Variants in PCDHGB6 observed in about 807,000 individuals in gnomAD.
PCDHGB6 encodes the protein protocadherin gamma subfamily B, 6, also known as protocadherin gamma-B6.
PCDHGB6 carries 51 observed loss-of-function variants against 59.1 expected under a neutral mutation model. The observed-to-expected ratio is 0.86, with a 90% CI of 0.69 to 1.09. The LOEUF (loss-of-function observed/expected upper bound fraction) is 1.09. Ranked by LOEUF, PCDHGB6 falls within the 50% of genes least tolerant of loss-of-function variation. The pLI, the probability that PCDHGB6 is intolerant of heterozygous loss-of-function variation, is 0.00. For synonymous variants in PCDHGB6, 466 were observed against 495.1 expected (o/e 0.94, Z 0.78); for missense variants, 1,148 against 1,205.1 (o/e 0.95, Z 0.70).
Position 141,430,614 on chromosome 5 carries a change from T to C in PCDHGB6, c.2418+19994T>C, listed in dbSNP as rs1030314096. 7.3e-6 allele frequency: 5 copies of C among 680,636 alleles called. No individual in the cohort carries two copies. In the African/African-American group the frequency reaches 7.4e-5, roughly 10 times the overall value. 42.2% of individuals were successfully genotyped at this position (680,636 alleles called of 1,614,324 possible). ...GCACGCGCCTGAAGCACAAAGCAGA[T>C]AGCTAGGAATGAACCATCCCTGGGA... On this transcript the variant is annotated intron_variant, in intron 1 of 3. Transcript: ENST00000520790.
chr5:141,496,511 C>T (rs1161285563), intron 2 of PCDHGB6, among the ~76,000 whole-genome samples: 1 of 152,182 alleles, frequency 6.6e-6, no homozygotes, highest in Non-Finnish European at 1.5e-5. Flanking sequence ...CACAAGGACC[C>T]AGGAGCCCTT....
chr5:141,494,891 C>G, intron 2 of PCDHGB6, 26 bp downstream of exon 2: 1 of 1,614,098 alleles, frequency 6.2e-7, no homozygotes. Flanking sequence ...TCCAGCCCAC[C>G]CTCTTCTCTG....
intron 1 of PCDHGB6, chr5:141,422,637 C>T (rs980166515): frequency 8.7e-5 from 141 of 1,612,568 alleles, no homozygotes; most frequent in Non-Finnish European, 1.2e-4. Flanking sequence ...CCAGGGGTGC[C>T]TCCATCTTCT....
intron 1 of PCDHGB6, chr5:141,413,229 C>T (rs200934469): frequency 6.2e-7 from 1 of 1,613,914 alleles, no homozygotes; most frequent in African/African-American, 1.3e-5. Context: ...GCGGGCTGGT[C>T]CTGCTCTGCC....
chr5:141,487,323 G>A lies in PCDHGB6; in HGVS notation c.2419-7484G>A, dbSNP rs374901235. Reference sequence around the variant, plus strand: ...GTGGCACTACTCTCTAAGTGTCTTCGTGGGGCAGCCTGTGGAGTCACATGC... The same window carrying A: ...GTGGCACTACTCTCTAAGTGTCTTCATGGGGCAGCCTGTGGAGTCACATGC... On this transcript the variant is annotated intron_variant, in intron 1 of 3. Coordinates refer to ENST00000520790, the MANE Select transcript of PCDHGB6 (RefSeq NM_018926.3). The surrounding 1 kb of genome is among the most constrained non-coding windows in gnomAD (Gnocchi z 5.0). 4.0e-5 allele frequency: 65 copies of A among 1,613,982 alleles called. No homozygotes were observed. Among genetic ancestry groups the A allele is most frequent in the Non-Finnish European group, 4.7e-5 (56 of 1,180,012 alleles).
At chr5:141,426,539 T>C in intron 1 of PCDHGB6, 2 of 347,388 alleles carry the variant, frequency 5.8e-6, no homozygotes, top group South Asian at 4.4e-5. Flanking sequence ...GGGAACATAC[T>C]TGTGAGTGAC....
chr5:141,486,091 G>T lies in PCDHGB6; in HGVS notation c.2419-8716G>T. ...CTACTGGAAAGCTTACTCTTTTGGG[G>T]CCCCTAGACTTTGAGAGTGAGAATT... On this transcript the variant is annotated intron_variant, in intron 1 of 3. Coordinates refer to ENST00000520790, the MANE Select transcript of PCDHGB6 (RefSeq NM_018926.3). This position sits in a 1 kb window ranked among gnomAD's most constrained non-coding sequence, Gnocchi z 5.0. 1 of 1,614,158 alleles carries T rather than the reference G, an allele frequency of 6.2e-7. No homozygotes were observed. Among genetic ancestry groups the T allele is most frequent in the South Asian group, 1.1e-5 (1 of 91,078 alleles).
At chr5:141,450,829 A>ATT (rs373424450) in intron 1 of PCDHGB6, among the ~76,000 whole-genome samples, 8,685 of 135,030 alleles carry the variant, frequency 0.064, 328 homozygotes, top group South Asian at 0.088. Context: ...TATTATTATT[A>ATT]TTTTTTTTTT....
chr5:141,476,699 G>C lies in PCDHGB6; in HGVS notation c.2419-18108G>C. 1 of 1,614,222 alleles carries C rather than the reference G, an allele frequency of 6.2e-7. No individual in the cohort carries two copies. The highest frequency in any genetic ancestry group is 8.5e-7 in the Non-Finnish European group (1 of 1,180,042). ...GCGGGAGGACAGCACCAAGTACGCG[G>C]AGCTGGTGTTGGAGCGCGCCCTGGA... is the stretch of plus-strand genomic sequence containing the variant. On this transcript the variant is annotated intron_variant, in intron 1 of 3. Transcript: ENST00000520790. The surrounding 1 kb of genome is among the most constrained non-coding windows in gnomAD (Gnocchi z 7.6).
Position 141,409,866 on chromosome 5 carries a change from G to A in PCDHGB6, c.1664G>A (p.Arg555His), listed in dbSNP as rs1268327848. The A allele has an allele frequency of 3.7e-6, 6 of 1,612,258 alleles. No individual in the cohort carries two copies. Among genetic ancestry groups the A allele is most frequent in the East Asian group, 4.5e-5 (2 of 44,850 alleles). The change falls in exon 1 of 4, where the codon CGC becomes CAC. Residue 555 changes from arginine (R) to histidine (H), a missense_variant. Arg to His is a conservative substitution (Grantham distance 29, BLOSUM62 0). Transcript: ENST00000520790. The stretch of plus-strand genomic sequence containing the variant: ...AGCCTGCGCGTGTTGGTGGGAGACC[G>A]CAATGACAACGCACCGCGGGTGCTG... ...NVSLRVLVGDRNDNAPRVLYP... is the reference protein window; with the variant it reads ...NVSLRVLVGDHNDNAPRVLYP...
chr5:141,454,762 G>C (rs889314181), intron 1 of PCDHGB6, among the ~76,000 whole-genome samples: 4 of 115,056 alleles, frequency 3.5e-5, no homozygotes, highest in African/African-American at 6.6e-5. Context: ...ATCTTGACAT[G>C]TTTTTTACAA....
At chr5:141,464,995 G>A (rs1330469198) in intron 1 of PCDHGB6, among the ~76,000 whole-genome samples, 1 of 151,962 alleles carries the variant, frequency 6.6e-6, no homozygotes, top group East Asian at 1.9e-4. Context: ...TCCCACCTCA[G>A]CCTCCCAAAG....
At chr5:141,445,768 T>A (rs2098476928) in intron 1 of PCDHGB6, among the ~76,000 whole-genome samples, 1 of 152,074 alleles carries the variant, frequency 6.6e-6, no homozygotes, top group Admixed American at 6.6e-5. Context: ...CTCAAGCAAT[T>A]TAAAAGGGCT....
At chr5:141,420,216 T>C in intron 1 of PCDHGB6, 1 of 1,609,316 alleles carries the variant, frequency 6.2e-7, no homozygotes, top group African/African-American at 1.3e-5. Context: ...AAAGATAGCA[T>C]GCTACTGGCT....
chr5:141,485,314 T>G lies in PCDHGB6; in HGVS notation c.2419-9493T>G. Reference sequence around the variant, plus strand: ...CACAGGAAGGGACTTTTGTAGGGAATGTCGCTCAAGATTTCCTGCTGGATA... The same window carrying G: ...CACAGGAAGGGACTTTTGTAGGGAAGGTCGCTCAAGATTTCCTGCTGGATA... On this transcript the variant is annotated intron_variant, in intron 1 of 3. Coordinates refer to ENST00000520790, the MANE Select transcript of PCDHGB6 (RefSeq NM_018926.3). This position sits in a 1 kb window ranked among gnomAD's most constrained non-coding sequence, Gnocchi z 5.7. 1 of 1,614,150 alleles carries G rather than the reference T, an allele frequency of 6.2e-7. No individual in the cohort carries two copies. The highest frequency in any genetic ancestry group is 8.5e-7 in the Non-Finnish European group (1 of 1,180,032).
Position 141,477,918 on chromosome 5 carries a change from G to A in PCDHGB6, c.2419-16889G>A. 1 of 1,614,154 alleles carries A rather than the reference G, an allele frequency of 6.2e-7. No individual in the cohort carries two copies. Among genetic ancestry groups the A allele is most frequent in the Admixed American group, 1.7e-5 (1 of 60,026 alleles). ...GTGGTAGGCTGGGACGCGGATGCAG[G>A]GCACAATGCCTGGCTCTCCTACAGT... is the stretch of plus-strand genomic sequence containing the variant. On this transcript the variant is annotated intron_variant, in intron 1 of 3. Coordinates refer to ENST00000520790, the MANE Select transcript of PCDHGB6 (RefSeq NM_018926.3). The surrounding 1 kb of genome is among the most constrained non-coding windows in gnomAD (Gnocchi z 4.9).
At chr5:141,449,542 T>C (rs1379019468) in intron 1 of PCDHGB6, among the ~76,000 whole-genome samples, 2 of 142,482 alleles carry the variant, frequency 1.4e-5, no homozygotes, top group African/African-American at 5.3e-5. Context: ...TGAGCCGAGA[T>C]CGCACCACTG....
chr5:141,510,919 C>T (rs748157000), intron 3 of PCDHGB6, 28 bp from the exon 4 acceptor site: 1 of 1,613,894 alleles, frequency 6.2e-7, no homozygotes, highest in East Asian at 2.2e-5. Context: ...AAGTTTAGCT[C>T]CCACCTGATC....
chr5:141,453,144 C>T lies in PCDHGB6; in HGVS notation c.2419-41663C>T, dbSNP rs530175947. ...TTGTTTTGTTTTTGAGATAGGGTCT[C>T]GCTATGTCACCCAGGCTGGAGTCCA... On this transcript the variant is annotated intron_variant, in intron 1 of 3. Transcript: ENST00000520790. Among the ~76,000 whole-genome samples, 290 of 152,062 alleles carry T rather than the reference C, an allele frequency of 1.9e-3. 1 individual carries two copies. The highest frequency in any genetic ancestry group is 6.3e-3 in the African/African-American group (260 of 41,478).
Sources: allele counts gnomAD v4.1 joint callset (sites outside exome capture counted in the v4.1 genomes callset), GRCh38; gene constraint gnomAD v4.1.1; non-coding constraint Gnocchi (gnomAD v3.1); transcripts MANE v1.5; gene names NCBI Gene and HGNC (gene_info 2026-07-23, HGNC 2026-07-21).